Variants in SH3BP5 observed in about 807,000 individuals in gnomAD.
The protein encoded by SH3BP5 is SH3 domain-binding protein 5.
Under a neutral mutation model 43.3 loss-of-function variants are expected in SH3BP5, and 22 were observed. The observed-to-expected ratio is 0.51, with a 90% confidence interval of 0.36 to 0.73. The LOEUF is 0.73. SH3BP5 is among the 30% of genes least tolerant of loss of function. The pLI, the probability that SH3BP5 is intolerant of heterozygous loss-of-function variation, is 0.00. For synonymous variants in SH3BP5, 255 were observed against 225.8 expected (o/e 1.13, Z -1.16); for missense variants, 529 against 586.9 (o/e 0.90, Z 1.02).
At chr3:15,340,866 A>T (rs144137599) in intron 1 of SH3BP5, among the ~76,000 whole-genome samples, 1,659 of 152,212 alleles carry the variant, frequency 0.011, 17 homozygotes, top group Non-Finnish European at 0.017. Context: ...CAGCCTGGCC[A>T]ACATGGAGAA....
chr3:15,302,292 G>T (rs913929636), intron 3 of SH3BP5, among the ~76,000 whole-genome samples: 2 of 152,272 alleles, frequency 1.3e-5, no homozygotes, highest in African/African-American at 4.8e-5. Context: ...TTGGAGAAGG[G>T]TTTCTTCTCC....
At chr3:15,269,253 C>T (rs1696729194) in intron 4 of SH3BP5, among the ~76,000 whole-genome samples, 1 of 152,204 alleles carries the variant, frequency 6.6e-6, no homozygotes, top group Non-Finnish European at 1.5e-5. Flanking sequence ...CGTAAGTACA[C>T]ACCTGATTCT....
chr3:15,256,992 C>G lies in SH3BP5; in HGVS notation c.1011G>C (p.Gln337His). The G allele has an allele frequency of 1.9e-6, 3 of 1,614,224 alleles. No individual in the cohort carries two copies. Among genetic ancestry groups the G allele is most frequent in the Non-Finnish European group, 2.5e-6 (3 of 1,180,042 alleles). The change falls in exon 8 of 9, where the codon CAG (glutamine) becomes CAC (histidine). Residue 337 changes from glutamine (Q) to histidine (H), a missense_variant. Around this residue, in one of 3 missense-constraint regions of SH3BP5, gnomAD observed 369 missense variants for 384.3 expected, o/e 0.96. Coordinates refer to ENST00000383791, the MANE Select transcript of SH3BP5 (RefSeq NM_004844.5). ...TGCCAGGCCTCACAACCGCAGGGAA[C>G]TGGTCAGGCATCTCAGACGGGCTTG... is the stretch of plus-strand genomic sequence containing the variant. ...GPTSPSEMPD[Q>H]FPAVVRPGSL...
At chr3:15,273,870 A>C (rs1260629593) in intron 3 of SH3BP5, among the ~76,000 whole-genome samples, 1 of 152,196 alleles carries the variant, frequency 6.6e-6, no homozygotes, top group Non-Finnish European at 1.5e-5. Flanking sequence ...TACATATTGA[A>C]GCCCTAATCC....
At chr3:15,304,580 C>T (rs1217052554) in intron 2 of SH3BP5, among the ~76,000 whole-genome samples, 3 of 152,030 alleles carry the variant, frequency 2.0e-5, no homozygotes, top group Admixed American at 2.0e-4. Flanking sequence ...TTTGGGAGGC[C>T]GAGGCAGGCC....
upstream of SH3BP5, among the ~76,000 whole-genome samples, chr3:15,334,961 A>G (rs112796489): frequency 1.1e-4 from 16 of 151,832 alleles, 2 homozygotes; most frequent in African/African-American, 3.9e-4. Context: ...AAATAAATAT[A>G]TATATATAAA....
At chr3:15,256,578 A>AGAAACAAAC in intron 8 of SH3BP5, 1 of 593,002 alleles carries the variant, frequency 1.7e-6, no homozygotes, top group East Asian at 2.8e-5. Context: ...TTTATTGCTG[A>AGAAACAAAC]GAAACAAACC....
At chr3:15,332,630 A>C, upstream of SH3BP5, 2 of 1,177,720 alleles carry the variant, frequency 1.7e-6, no homozygotes, top group Non-Finnish European at 2.1e-6. Context: ...CAGTCAGCGC[A>C]GCGCCCGCTC....
intron 2 of SH3BP5, among the ~76,000 whole-genome samples, chr3:15,330,156 T>C (rs1698573002): frequency 6.6e-6 from 1 of 152,178 alleles, no homozygotes; most frequent in Non-Finnish European, 1.5e-5. Context: ...ATGTAAGAGA[T>C]TTTGTGAGCT....
chr3:15,274,024 A>T (rs1451144688), intron 3 of SH3BP5, among the ~76,000 whole-genome samples: 1 of 152,156 alleles, frequency 6.6e-6, no homozygotes, highest in Non-Finnish European at 1.5e-5. Context: ...CAGGTGGATC[A>T]CTTGAGGCCA....
intron 1 of SH3BP5, among the ~76,000 whole-genome samples, chr3:15,340,204 A>G (rs1202130959): frequency 2.0e-5 from 3 of 152,226 alleles, no homozygotes; most frequent in Non-Finnish European, 2.9e-5. Context: ...ATCCACTTAT[A>G]AAGGAAGCCA....
intron 3 of SH3BP5, among the ~76,000 whole-genome samples, chr3:15,277,139 C>T (rs1811610): frequency 3.9e-5 from 6 of 151,996 alleles, no homozygotes; most frequent in South Asian, 2.1e-4. Flanking sequence ...TTAGTAGATA[C>T]GAAACAGGGT....
chr3:15,273,258 G>C (rs1696868136), intron 3 of SH3BP5: 1 of 985,244 alleles, frequency 1.0e-6, no homozygotes, highest in Non-Finnish European at 1.2e-6. Flanking sequence ...AGTTCTCTCT[G>C]CTTCAGTTAT....
intron 1 of SH3BP5, chr3:15,339,843 G>A (rs1249664320): frequency 6.7e-6 from 1 of 149,168 alleles, no homozygotes; most frequent in African/African-American, 2.5e-5. Context: ...TTTGTGAAGT[G>A]TTCCATAAAA....
At chr3:15,339,064 C>T (rs943107249) in intron 1 of SH3BP5, among the ~76,000 whole-genome samples, 2 of 152,132 alleles carry the variant, frequency 1.3e-5, no homozygotes, top group African/African-American at 4.8e-5. Context: ...AGACCATAAA[C>T]CCTTCAACAA....
rs1412961768 is a variant in SH3BP5 at position 15,299,715 on chromosome 3, G to A, written c.330+4388C>T. 3.3e-5 allele frequency among the ~76,000 whole-genome samples: 5 copies of A among 151,872 alleles called. No homozygotes were observed. The East Asian group carries it at 9.7e-4, about 29-fold the overall frequency. On this transcript the variant is annotated intron_variant, in intron 3 of 8. Coordinates refer to ENST00000383791, the MANE Select transcript of SH3BP5 (RefSeq NM_004844.5). The stretch of plus-strand genomic sequence containing the variant: ...AAGATCTCACCATGTTGCCCAGGCT[G>A]AAATTACAAATCTTTGTAAACTCTT...
intron 2 of SH3BP5, among the ~76,000 whole-genome samples, chr3:15,324,344 T>A (rs1195453022): frequency 6.6e-6 from 1 of 152,190 alleles, no homozygotes; most frequent in Non-Finnish European, 1.5e-5. Flanking sequence ...AATTGCTTGC[T>A]TGAATCCAGG....
At chr3:15,275,119 G>C (rs896825427) in intron 3 of SH3BP5, among the ~76,000 whole-genome samples, 10 of 152,236 alleles carry the variant, frequency 6.6e-5, no homozygotes, top group African/African-American at 2.4e-4. Context: ...AGAAGGGGAA[G>C]AGAGGGAGAT....
intron 3 of SH3BP5, among the ~76,000 whole-genome samples, chr3:15,291,716 T>C (rs971690211): frequency 2.6e-5 from 4 of 152,138 alleles, no homozygotes; most frequent in African/African-American, 9.7e-5. Context: ...GAACCCTGAG[T>C]TGGGAATATG....
Sources: gnomAD v4.1 joint callset for allele counts (sites outside exome capture counted in the v4.1 genomes callset) on GRCh38, gnomAD v4.1.1 for gene constraint, gnomAD v4.1.1 regional missense constraint, MANE v1.5 for transcripts, NCBI Gene and HGNC (gene_info 2026-07-23, HGNC 2026-07-21) for gene names.